ANKRD26: variants seen among roughly 807,000 people sequenced by gnomAD.
ANKRD26 encodes ankyrin repeat domain-containing protein 26.
Under a neutral mutation model 208.7 loss-of-function variants are expected in ANKRD26, and 141 were observed. The observed-to-expected ratio is 0.68, with a 90% confidence interval of 0.59 to 0.78. The LOEUF is 0.78. Ranked by LOEUF, ANKRD26 falls within the 30% of genes least tolerant of loss-of-function variation. The probability of loss-of-function intolerance (pLI) is 0.00; values close to 1 mark genes in which losing one functional copy is unlikely to be tolerated. For missense variants in ANKRD26, 1,889 were observed against 1,938.7 expected (o/e 0.97, Z 0.48); for synonymous variants, 636 against 660.4 (o/e 0.96, Z 0.57).
At chr10:27,032,569 G>A (rs1225207351) in intron 25 of ANKRD26, among the ~76,000 whole-genome samples, 1 of 151,698 alleles carries the variant, frequency 6.6e-6, no homozygotes, top group Admixed American at 6.6e-5. Flanking sequence ...CCAGGAGGCG[G>A]AGGTTGCAGT....
At chr10:27,024,814 A>G (rs1016988391) in intron 27 of ANKRD26, among the ~76,000 whole-genome samples, 1 of 152,190 alleles carries the variant, frequency 6.6e-6, no homozygotes, top group African/African-American at 2.4e-5. Context: ...GTGTTAATGA[A>G]AATTCCTTTT....
chr10:27,081,384 C>T (rs1423523047), intron 6 of ANKRD26, among the ~76,000 whole-genome samples: 5 of 152,162 alleles, frequency 3.3e-5, no homozygotes, highest in Non-Finnish European at 5.9e-5. Flanking sequence ...TCCTTTTCCG[C>T]TGGGTTCACT....
chr10:27,011,637 G>C (rs1223147133), intron 32 of ANKRD26, among the ~76,000 whole-genome samples: 2 of 152,118 alleles, frequency 1.3e-5, no homozygotes, highest in East Asian at 3.9e-4. Context: ...TCTTCAATGG[G>C]TTTTCTATTG....
chr10:27,009,129 A>G (rs2134843657), intron 32 of ANKRD26, among the ~76,000 whole-genome samples: 1 of 152,158 alleles, frequency 6.6e-6, no homozygotes, highest in East Asian at 1.9e-4. Context: ...AGGAGCCACC[A>G]TGCCTGGCCA....
chr10:26,995,488 TA>T (rs1057425176), intron 4 of ANKRD26, among the ~76,000 whole-genome samples: 1 of 152,048 alleles, frequency 6.6e-6, no homozygotes. Context: ...TTTCATATGC[TA>T]AAAAAAGGAA....
intron 29 of ANKRD26, 122 bp downstream of exon 29, chr10:27,022,436 T>C: frequency 1.3e-6 from 1 of 754,490 alleles, no homozygotes; most frequent in Non-Finnish European, 2.0e-6. Flanking sequence ...AAAGTTTTTT[T>C]ATTAGTATCA....
Position 27,037,317 on chromosome 10 carries a change from G to T in ANKRD26, c.2566C>A (p.Gln856Lys), listed in dbSNP as rs1490551822. 8.7e-6 allele frequency: 14 copies of T among 1,613,606 alleles called. No homozygotes were observed. In the East Asian group the frequency reaches 1.6e-4, roughly 18 times the overall value. ...TVKSNLNQVV[Q>K]ERNDAQRQLS... ...TGCCTCTGAGCGTCATTTCGCTCTT[G>T]AACGACCTAGAGATACATTAAGTTT... Residue 856 changes from glutamine to lysine, a missense_variant, in exon 23 of 34, where the codon CAA (glutamine) becomes AAA (lysine). By Grantham distance (53) the Gln-to-Lys change is moderately conservative (BLOSUM62 1). Transcript: ENST00000376087.
the ANKRD26 span, among the ~76,000 whole-genome samples, chr10:26,954,760 A>G: frequency 1.3e-5 from 2 of 152,146 alleles, no homozygotes; most frequent in Non-Finnish European, 2.9e-5. Flanking sequence ...ATAAAATAAG[A>G]GTAGATATGT....
intron 5 of ANKRD26, among the ~76,000 whole-genome samples, chr10:26,979,045 A>G (rs922462243): frequency 1.3e-5 from 2 of 152,106 alleles, no homozygotes; most frequent in African/African-American, 4.8e-5. Flanking sequence ...ACACAGTGAA[A>G]CCCCATCTCT....
rs1352284195 is a variant in ANKRD26 at position 27,035,357 on chromosome 10, T to C, written c.3093A>G (p.Glu1031=). The C allele has an allele frequency of 1.9e-6, 3 of 1,613,840 alleles. No individual in the cohort carries two copies. Among genetic ancestry groups the C allele is most frequent in the Non-Finnish European group, 1.7e-6 (2 of 1,179,934 alleles). ...DQSETSKREL[E]LAFQRARDEC... is the part of the protein sequence containing the mutation. ...CATCTCTTGCTCTCTGGAAAGCAAG[T>C]TCTAGTTCTCTTTTTGATGTCTCAC... The change falls in exon 24 of 34, where the codon GAA becomes GAG. Residue 1031 remains glutamate, a synonymous_variant. Coordinates refer to ENST00000376087, the MANE Select transcript of ANKRD26 (RefSeq NM_014915.3).
At chr10:26,957,180 G>C in the ANKRD26 span, among the ~76,000 whole-genome samples, 1 of 152,176 alleles carries the variant, frequency 6.6e-6, no homozygotes, top group Non-Finnish European at 1.5e-5. Flanking sequence ...GGCAGAGGCA[G>C]GCAGATAGCT....
In ANKRD26 at chr10:27,088,943, C is replaced by T. The variant is rs1418035798; in HGVS notation, c.639-2334G>A. On this transcript the variant is annotated intron_variant, in intron 4 of 33. Transcript: ENST00000376087. ...GTGTAGGTGGAAGGGTCAATTTGCT[C>T]ACTCTGTGTGTGGCTAAAGCTTCCA... is the stretch of plus-strand genomic sequence containing the variant. Among the ~76,000 whole-genome samples, 3 of 152,166 alleles carry T rather than the reference C, an allele frequency of 2.0e-5. No individual in the cohort carries two copies. In the South Asian group the frequency reaches 6.2e-4, roughly 31 times the overall value.
At chr10:26,989,767 C>A (rs1323216973), downstream of ANKRD26, among the ~76,000 whole-genome samples, 1 of 152,096 alleles carries the variant, frequency 6.6e-6, no homozygotes, top group Non-Finnish European at 1.5e-5. Context: ...GAGGTTAGAC[C>A]TCCTGCTGCC....
Position 27,092,442 on chromosome 10 carries a change from T to C in ANKRD26, c.602A>G (p.Lys201Arg). ...KQQMVEFLIK[K>R]KANVNAVDKL... ...ATCTACTGCATTTACATTTGCTTTT[T>C]TCTTTATTAAAAATTCCACCATTTG... The change falls in exon 4 of 34, where the codon AAA (lysine) becomes AGA (arginine). Residue 201 changes from lysine to arginine, a missense_variant. Lys to Arg is a conservative substitution (Grantham distance 26, BLOSUM62 2). Coordinates refer to ENST00000376087, the MANE Select transcript of ANKRD26 (RefSeq NM_014915.3). 6.2e-7 allele frequency: 1 copy of C among 1,613,526 alleles called. No individual in the cohort carries two copies. Among genetic ancestry groups the C allele is most frequent in the Non-Finnish European group, 8.5e-7 (1 of 1,179,758 alleles).
intron 5 of ANKRD26, among the ~76,000 whole-genome samples, chr10:26,976,967 C>T (rs182217694): frequency 1.6e-4 from 24 of 152,304 alleles, no homozygotes; most frequent in Middle Eastern, 3.4e-3. Flanking sequence ...ATGCGGCAGG[C>T]TCACCTTTAG....
intron 15 of ANKRD26, among the ~76,000 whole-genome samples, chr10:27,054,743 T>C (rs575184267): frequency 6.6e-6 from 1 of 152,214 alleles, no homozygotes; most frequent in African/African-American, 2.4e-5. Context: ...AATAGCGTTA[T>C]ATATTTGTCT....
At chr10:27,062,625 T>C (rs1361458287) in intron 12 of ANKRD26, among the ~76,000 whole-genome samples, 1 of 152,218 alleles carries the variant, frequency 6.6e-6, no homozygotes, top group African/African-American at 2.4e-5. Context: ...ACTGAAATTG[T>C]ATTGCAAGTC....
chr10:27,028,099 A>G (rs549661556), intron 27 of ANKRD26, among the ~76,000 whole-genome samples: 2 of 152,268 alleles, frequency 1.3e-5, no homozygotes, highest in East Asian at 3.9e-4. Flanking sequence ...AATATTTTCA[A>G]CTTACAATGT....
At chr10:26,985,384 T>C (rs772993246) in intron 3 of ANKRD26, among the ~76,000 whole-genome samples, 3 of 152,186 alleles carry the variant, frequency 2.0e-5, no homozygotes, top group Non-Finnish European at 4.4e-5. Context: ...TGACATCCCA[T>C]TGGAATAATG....
Sources: allele counts gnomAD v4.1 joint callset (sites outside exome capture counted in the v4.1 genomes callset), GRCh38; gene constraint gnomAD v4.1.1; transcripts MANE v1.5; gene names NCBI Gene and HGNC (gene_info 2026-07-23, HGNC 2026-07-21).